PASD1: variants seen among roughly 807,000 people sequenced by gnomAD.
The protein encoded by PASD1 is circadian clock protein PASD1.
In PASD1, 13 loss-of-function variants were observed where a neutral mutation model predicts 58.8. The ratio of observed to expected loss-of-function variants is 0.22; its 90% CI spans 0.14 to 0.35. PASD1 has a LOEUF of 0.35. Ranked by LOEUF, PASD1 falls within the 10% of genes least tolerant of loss-of-function variation. PASD1 has a pLI of 1.00. For missense variants in PASD1, 734 were observed against 568.3 expected (o/e 1.29, Z -2.96); for synonymous variants, 236 against 216.7 (o/e 1.09, Z -0.78).
intron 9 of PASD1, among the ~76,000 whole-genome samples, chrX:151,659,305 C>A (rs1347602686): frequency 9.0e-6 from 1 of 111,610 alleles, no homozygotes; most frequent in Non-Finnish European, 1.9e-5. Context: ...CTCTGTGAAC[C>A]AGTTTGTTTG....
At chrX:151,604,506 C>T (rs1399410557) in intron 2 of PASD1, 140 bp from the exon 3 acceptor site, 1 of 441,115 alleles carries the variant, frequency 2.3e-6, no homozygotes, top group African/African-American at 2.5e-5. Flanking sequence ...AGTTAGCCAA[C>T]ATCAGATCCT....
At chrX:151,659,656 C>T in intron 9 of PASD1, 57 bp from the exon 10 acceptor site, 1 of 1,084,695 alleles carries the variant, frequency 9.2e-7, no homozygotes, top group African/African-American at 1.8e-5. Flanking sequence ...CCTGTGTTTC[C>T]TATTCTTTCT....
chrX:151,571,125 C>A (rs371091213), intron 1 of PASD1, among the ~76,000 whole-genome samples: 2 of 111,598 alleles, frequency 1.8e-5, no homozygotes, highest in Non-Finnish European at 3.8e-5. Flanking sequence ...TGGATTGAGG[C>A]GATTTTGTAA....
intron 1 of PASD1, among the ~76,000 whole-genome samples, chrX:151,577,990 T>A (rs1158477190): frequency 8.9e-6 from 1 of 112,065 alleles, no homozygotes; most frequent in Non-Finnish European, 1.9e-5. Context: ...TTGGAGGGGA[T>A]CCTAAGACTA....
intron 11 of PASD1, among the ~76,000 whole-genome samples, chrX:151,666,778 A>G (rs952620978): frequency 9.6e-6 from 1 of 104,082 alleles, no homozygotes; most frequent in East Asian, 3.0e-4. Flanking sequence ...TTAATCCAGT[A>G]TATCACTGAT....
At chrX:151,573,044 G>C (rs868436205) in intron 1 of PASD1, among the ~76,000 whole-genome samples, 2,089 of 71,046 alleles carry the variant, frequency 0.029, 138 homozygotes, top group African/African-American at 0.11. Flanking sequence ...GGAAGGGCAT[G>C]CTGGGGGTAG....
At chrX:151,675,193 G>A (rs7058205) in intron 15 of PASD1, among the ~76,000 whole-genome samples, 1,145 of 112,154 alleles carry the variant, frequency 0.01, 17 homozygotes, top group African/African-American at 0.035. Flanking sequence ...ATTCTGAAAG[G>A]TTGCTCAGCT....
At chrX:151,636,817 C>G (rs1368327764) in intron 8 of PASD1, among the ~76,000 whole-genome samples, 1 of 111,325 alleles carries the variant, frequency 9.0e-6, no homozygotes, top group Non-Finnish European at 1.9e-5. Flanking sequence ...GCTATAGATT[C>G]ATTCAACCAC....
In PASD1 at chrX:151,672,294, G is replaced by C; in HGVS notation, c.1549G>C (p.Glu517Gln). 8.6e-7 allele frequency: 1 copy of C among 1,168,695 alleles called. No individual in the cohort carries two copies. The highest frequency in any genetic ancestry group is 3.2e-5 in the East Asian group (1 of 30,826). ...GGTGCAGAAGCAGAAGAAGATGCAGGAGAAGAAGAAGCTGCAGGAGCAGAA... is the reference window on the plus strand; with the variant it reads ...GGTGCAGAAGCAGAAGAAGATGCAGCAGAAGAAGAAGCTGCAGGAGCAGAA... ...RKVQKQKKMQEKKKLQEQKMQ... is the reference protein window; with the variant it reads ...RKVQKQKKMQQKKKLQEQKMQ... Residue 517 changes from glutamate to glutamine, a missense_variant, in exon 14 of 16, where the codon GAG (glutamate) becomes CAG (glutamine). By Grantham distance (29) the Glu-to-Gln change is conservative. Transcript: ENST00000370357.
chrX:151,616,303 G>C (rs2013636551), intron 4 of PASD1, among the ~76,000 whole-genome samples: 1 of 111,342 alleles, frequency 9.0e-6, no homozygotes, highest in African/African-American at 3.3e-5. Context: ...TAATGTGGCA[G>C]TGGAAGCATT....
intron 10 of PASD1, among the ~76,000 whole-genome samples, chrX:151,661,243 C>T (rs1046200417): frequency 2.7e-5 from 3 of 111,939 alleles, no homozygotes; most frequent in African/African-American, 9.7e-5. Flanking sequence ...AGCCAACAGT[C>T]TAAACACTGG....
chrX:151,621,389 A>C, intron 5 of PASD1, 93 bp from the exon 6 acceptor site: 1 of 673,309 alleles, frequency 1.5e-6, no homozygotes, highest in Non-Finnish European at 2.2e-6. Flanking sequence ...GTAAAATCTA[A>C]TCGAAGAAAG....
rs192989984 is a variant in PASD1 at position 151,607,695 on chromosome X, C to A, written c.117+2961C>A. 1.1e-3 allele frequency among the ~76,000 whole-genome samples: 120 copies of A among 111,857 alleles called. 1 individual carries two copies. The highest frequency in any genetic ancestry group is 1.8e-3 in the Non-Finnish European group (97 of 53,176). Reference sequence around the variant, plus strand: ...CTCCTGTCATTAGTCAAAAGTCACACCCAGGATGTTAGCAATTCTGTCCTT... The same window carrying A: ...CTCCTGTCATTAGTCAAAAGTCACAACCAGGATGTTAGCAATTCTGTCCTT... On this transcript the variant is annotated intron_variant, in intron 3 of 15. Transcript: ENST00000370357.
At chrX:151,566,216 GCAAA>G (rs1156623197) in intron 1 of PASD1, among the ~76,000 whole-genome samples, 2 of 112,143 alleles carry the variant, frequency 1.8e-5, no homozygotes, top group Non-Finnish European at 3.8e-5. Flanking sequence ...AGAGAAACGT[GCAAA>G]CAAATTATTA....
chrX:151,565,335 T>C (rs1264707519), intron 1 of PASD1, among the ~76,000 whole-genome samples: 1 of 111,823 alleles, frequency 8.9e-6, no homozygotes, highest in Non-Finnish European at 1.9e-5. Flanking sequence ...ATGTAGCCAG[T>C]AGATGCCCTC....
intron 8 of PASD1, among the ~76,000 whole-genome samples, chrX:151,629,781 C>T (rs1286430245): frequency 8.9e-6 from 1 of 111,878 alleles, no homozygotes; most frequent in Non-Finnish European, 1.9e-5. Flanking sequence ...TGCATGCACC[C>T]TAAAACAGAT....
At chrX:151,583,195 C>A (rs1305051710) in intron 1 of PASD1, among the ~76,000 whole-genome samples, 1 of 112,046 alleles carries the variant, frequency 8.9e-6, no homozygotes, top group Non-Finnish European at 1.9e-5. Flanking sequence ...CATGGACTCC[C>A]AGGATGGCCT....
rs1447391424 is a variant in PASD1, at chrX:151,674,198, C to T, written c.2175+12C>T. The stretch of plus-strand genomic sequence containing the variant: ...CCACCTACCATCAGGTATGGGACAG[C>T]CCCCTCCTTTTCCTTCCAGCGCAGG... On this transcript the variant is annotated intron_variant, in intron 15 of 15. Coordinates refer to ENST00000370357, the MANE Select transcript of PASD1 (RefSeq NM_173493.3). 1 of 1,210,313 alleles carries T rather than the reference C, an allele frequency of 8.3e-7. No homozygotes were observed.
At chrX:151,564,929 C>T (rs181073844) in intron 1 of PASD1, among the ~76,000 whole-genome samples, 5 of 111,567 alleles carry the variant, frequency 4.5e-5, no homozygotes, top group Non-Finnish European at 9.4e-5. Flanking sequence ...ATCAGTTACT[C>T]ATCCATCTTA....
Sources: allele counts gnomAD v4.1 joint callset (sites outside exome capture counted in the v4.1 genomes callset), GRCh38; gene constraint gnomAD v4.1.1; transcripts MANE v1.5; gene names NCBI Gene and HGNC (gene_info 2026-07-23, HGNC 2026-07-21).